NCKAP5: variants seen among roughly 807,000 people sequenced by gnomAD.
The protein encoded by NCKAP5 is NCK associated protein 5.
NCKAP5 carries 92 observed loss-of-function variants against 167.0 expected under a neutral mutation model. The observed-to-expected ratio is 0.55, with a 90% confidence interval of 0.47 to 0.66. The LOEUF (loss-of-function observed/expected upper bound fraction) is 0.66. NCKAP5 is among the 30% of genes least tolerant of loss of function. NCKAP5 has a pLI of 0.00. For missense variants in NCKAP5, 2,378 were observed against 2,315.0 expected (o/e 1.03, Z -0.56); for synonymous variants, 891 against 877.4 (o/e 1.02, Z -0.27).
At chr2:133,093,008 T>C (rs928664360) in intron 6 of NCKAP5, among the ~76,000 whole-genome samples, 4 of 152,232 alleles carry the variant, frequency 2.6e-5, no homozygotes, top group Admixed American at 6.5e-5. Flanking sequence ...TCTAGTTACA[T>C]GCTGAGCTCT....
At chr2:133,320,704 ACT>A (rs1681983399) in intron 3 of NCKAP5, among the ~76,000 whole-genome samples, 2 of 151,980 alleles carry the variant, frequency 1.3e-5, no homozygotes, top group Admixed American at 6.6e-5. Context: ...CTCCAGCGAG[ACT>A]CTGTCTCAAA....
chr2:132,964,097 TG>T (rs1440182734), intron 7 of NCKAP5, among the ~76,000 whole-genome samples: 2 of 152,202 alleles, frequency 1.3e-5, no homozygotes, highest in African/African-American at 2.4e-5. Context: ...AGTTGTCCTT[TG>T]CACAGTTGGA....
At chr2:133,129,022 A>G (rs997166377) in intron 6 of NCKAP5, among the ~76,000 whole-genome samples, 1 of 147,028 alleles carries the variant, frequency 6.8e-6, no homozygotes, top group Admixed American at 6.9e-5. Flanking sequence ...GAATCATTAG[A>G]GTCACATACT....
intron 16 of NCKAP5, among the ~76,000 whole-genome samples, chr2:132,767,710 C>T (rs1463915168): frequency 6.6e-6 from 1 of 152,158 alleles, no homozygotes; most frequent in African/African-American, 2.4e-5. Context: ...AAATGAAACA[C>T]CCTGGAAAAA....
intron 6 of NCKAP5, among the ~76,000 whole-genome samples, chr2:133,072,770 A>C (rs1339980378): frequency 6.6e-6 from 1 of 152,218 alleles, no homozygotes; most frequent in Non-Finnish European, 1.5e-5. Flanking sequence ...GTGAACAAAA[A>C]TTAAGTATGT....
the NCKAP5 span, among the ~76,000 whole-genome samples, chr2:133,612,764 T>C: frequency 6.6e-6 from 1 of 152,182 alleles, no homozygotes; most frequent in Non-Finnish European, 1.5e-5. Context: ...GAGGAAGAAA[T>C]GGATCAAATG....
In NCKAP5 at chr2:132,782,705, G is replaced by A. The variant is rs200930025; in HGVS notation, c.4106C>T (p.Pro1369Leu). The A allele has an allele frequency of 2.7e-4, 441 of 1,613,948 alleles. 3 individuals are homozygous for A. In the African/African-American group the frequency reaches 5.2e-3, roughly 19 times the overall value. Reference sequence around the variant, plus strand: ...CTCAGACTTTGGAGGGATCCTCAAAGGCAACTTACTTGGGCTCCCATGCTG... The same window carrying A: ...CTCAGACTTTGGAGGGATCCTCAAAAGCAACTTACTTGGGCTCCCATGCTG... ...SSQHGSPSKL[P>L]LRIPPKSEGL... The change falls in exon 14 of 20, where the codon CCT becomes CTT. Residue 1369 changes from proline (P) to leucine (L), a missense_variant. By Grantham distance (98) the Pro-to-Leu change is moderately conservative. Transcript: ENST00000409261.
chr2:133,134,125 A>G (rs1316447776), intron 5 of NCKAP5, among the ~76,000 whole-genome samples: 4 of 152,226 alleles, frequency 2.6e-5, no homozygotes, highest in African/African-American at 9.7e-5. Flanking sequence ...CACAAAACAC[A>G]TATTTCAAAC....
At chr2:133,674,244 G>GA in the NCKAP5 span, among the ~76,000 whole-genome samples, 39 of 149,348 alleles carry the variant, frequency 2.6e-4, no homozygotes, top group South Asian at 2.1e-3. Flanking sequence ...AGGGAAAAAA[G>GA]AAAAAAAAAA....
intron 4 of NCKAP5, among the ~76,000 whole-genome samples, chr2:133,282,996 G>A (rs1383691978): frequency 1.3e-5 from 2 of 152,028 alleles, no homozygotes; most frequent in Admixed American, 6.6e-5. Flanking sequence ...TCTCTTCCAG[G>A]GGCTTATTGT....
At chr2:133,154,426 CAT>C (rs1471069697) in intron 5 of NCKAP5, among the ~76,000 whole-genome samples, 2 of 152,178 alleles carry the variant, frequency 1.3e-5, no homozygotes, top group East Asian at 3.9e-4. Flanking sequence ...CAATAAATGA[CAT>C]AGTTATTATT....
In NCKAP5 at chr2:132,671,971, G is replaced by T; in HGVS notation, c.*1318C>A. The T allele has an allele frequency of 6.6e-6, 1 of 152,580 alleles. No individual in the cohort carries two copies. The highest frequency in any genetic ancestry group is 1.9e-4 in the East Asian group (1 of 5,180). 9.5% of individuals were successfully genotyped at this position (152,580 alleles called of 1,614,324 possible). A position where few individuals can be genotyped will look rare whatever the true frequency, so the allele number is the denominator to read the frequency against. ...TTTAAAGAAACAATTATGTGCTAAAGTAGCCATATAGATCCTAAAAATATT... is the reference window on the plus strand; with the variant it reads ...TTTAAAGAAACAATTATGTGCTAAATTAGCCATATAGATCCTAAAAATATT... On this transcript the variant is annotated 3_prime_UTR_variant, in exon 20 of 20. Coordinates refer to ENST00000409261, the MANE Select transcript of NCKAP5 (RefSeq NM_207363.3).
intron 11 of NCKAP5, among the ~76,000 whole-genome samples, chr2:132,810,355 C>T (rs1685770764): frequency 6.6e-6 from 1 of 152,168 alleles, no homozygotes; most frequent in Non-Finnish European, 1.5e-5. Context: ...GGATTATTCC[C>T]CCAAATATGT....
At chr2:133,622,047 C>T in the NCKAP5 span, among the ~76,000 whole-genome samples, 3 of 152,196 alleles carry the variant, frequency 2.0e-5, no homozygotes, top group South Asian at 6.2e-4. Flanking sequence ...ATGATCATCT[C>T]AATAGACACA....
intron 3 of NCKAP5, among the ~76,000 whole-genome samples, chr2:133,396,124 C>T (rs566400722): frequency 1.3e-5 from 2 of 152,056 alleles, no homozygotes; most frequent in East Asian, 1.9e-4. Context: ...CTGAGGAATG[C>T]CATAAAAATT....
chr2:133,437,010 A>G (rs940940707), intron 3 of NCKAP5, among the ~76,000 whole-genome samples: 5 of 152,140 alleles, frequency 3.3e-5, no homozygotes, highest in African/African-American at 1.2e-4. Flanking sequence ...TTGGGATCTC[A>G]GTGCCTAACA....
intron 5 of NCKAP5, among the ~76,000 whole-genome samples, chr2:133,158,638 T>TA (rs2083669108): frequency 6.6e-6 from 1 of 152,288 alleles, no homozygotes; most frequent in East Asian, 1.9e-4. Context: ...CATAACCCAT[T>TA]ACCTCATTTA....
intron 8 of NCKAP5, among the ~76,000 whole-genome samples, chr2:132,891,227 G>C (rs35319151): frequency 5.5e-4 from 83 of 152,236 alleles, no homozygotes; most frequent in Non-Finnish European, 1.0e-3. Flanking sequence ...AATCACTTGG[G>C]GGGTTATGGG....
chr2:133,201,616 C>T (rs1333413419), intron 5 of NCKAP5, among the ~76,000 whole-genome samples: 1 of 152,102 alleles, frequency 6.6e-6, no homozygotes, highest in Non-Finnish European at 1.5e-5. Flanking sequence ...TATTCTATAC[C>T]TGGATCAGGG....
Sources: allele counts gnomAD v4.1 joint callset (sites outside exome capture counted in the v4.1 genomes callset), GRCh38; gene constraint gnomAD v4.1.1; transcripts MANE v1.5; gene names NCBI Gene and HGNC (gene_info 2026-07-23, HGNC 2026-07-21).